Variants in KHDRBS2 observed in about 807,000 individuals in gnomAD.
KHDRBS2 encodes KH RNA binding domain containing, signal transduction associated 2, also known as KH domain-containing, RNA-binding, signal transduction-associated protein 2.
In KHDRBS2, 26 loss-of-function variants were observed where a neutral mutation model predicts 44.3. That is an observed-to-expected ratio of 0.59 (90% CI 0.43 to 0.81). KHDRBS2 has a LOEUF of 0.81. KHDRBS2 is among the 40% of genes least tolerant of loss of function. The probability of loss-of-function intolerance (pLI) is 0.00; values close to 1 mark genes in which losing one functional copy is unlikely to be tolerated. For missense variants in KHDRBS2, 476 were observed against 433.1 expected (o/e 1.10, Z -0.88); for synonymous variants, 194 against 151.1 (o/e 1.28, Z -2.08).
At chr6:62,008,811 G>A (rs1254354721) in intron 3 of KHDRBS2, among the ~76,000 whole-genome samples, 1 of 152,154 alleles carries the variant, frequency 6.6e-6, no homozygotes, top group African/African-American at 2.4e-5. Context: ...TGTGTAAGAT[G>A]TGACTTGCTC....
chr6:62,249,772 A>G (rs1165501084), intron 1 of KHDRBS2, among the ~76,000 whole-genome samples: 1 of 152,062 alleles, frequency 6.6e-6, no homozygotes, highest in Non-Finnish European at 1.5e-5. Context: ...TATTCAGAAA[A>G]GTAGCTTTCA....
At chr6:61,662,582 G>A in the KHDRBS2 span, among the ~76,000 whole-genome samples, 2 of 152,080 alleles carry the variant, frequency 1.3e-5, no homozygotes, top group East Asian at 3.9e-4. Flanking sequence ...ATCAACAAGT[G>A]GGTGAAGGAT....
intron 3 of KHDRBS2, among the ~76,000 whole-genome samples, chr6:62,009,532 G>A (rs986462203): frequency 6.6e-6 from 1 of 152,198 alleles, no homozygotes; most frequent in Non-Finnish European, 1.5e-5. Context: ...AAGACAATGA[G>A]GAAAATGTCT....
At chr6:61,558,420 T>C in the KHDRBS2 span, among the ~76,000 whole-genome samples, 3,719 of 152,040 alleles carry the variant, frequency 0.024, 71 homozygotes, top group Middle Eastern at 0.085. Context: ...AATTTAGCTG[T>C]ACATGGTGGT....
chr6:61,939,312 C>T (rs1811670676), intron 4 of KHDRBS2, among the ~76,000 whole-genome samples: 1 of 152,170 alleles, frequency 6.6e-6, no homozygotes, highest in South Asian at 2.1e-4. Flanking sequence ...CTGTAACCTG[C>T]TCTATTTTTA....
intron 6 of KHDRBS2, among the ~76,000 whole-genome samples, chr6:61,848,040 T>G (rs1373600832): frequency 6.6e-6 from 1 of 152,036 alleles, no homozygotes; most frequent in Non-Finnish European, 1.5e-5. Flanking sequence ...CAGCACACTC[T>G]TAATAATCAC....
intron 2 of KHDRBS2, among the ~76,000 whole-genome samples, chr6:62,085,695 G>A (rs1465383525): frequency 6.6e-6 from 1 of 152,056 alleles, no homozygotes; most frequent in Non-Finnish European, 1.5e-5. Flanking sequence ...ATAATGAAAG[G>A]CAAAGGTCTT....
chr6:62,246,135 T>TATATATATATATAA (rs1491165306), intron 1 of KHDRBS2, among the ~76,000 whole-genome samples: 1 of 136,706 alleles, frequency 7.3e-6, no homozygotes, highest in African/African-American at 2.7e-5. Flanking sequence ...TATATATATA[T>TATATATATATATAA]AATCAATGTT....
chr6:61,607,624 AAC>A, the KHDRBS2 span, among the ~76,000 whole-genome samples: 2 of 151,686 alleles, frequency 1.3e-5, no homozygotes, highest in African/African-American at 4.8e-5. Context: ...TAAAAAAATT[AAC>A]ACTTACTGAA....
the KHDRBS2 span, among the ~76,000 whole-genome samples, chr6:61,598,624 C>T: frequency 4.1e-4 from 62 of 152,274 alleles, 1 homozygote; most frequent in African/African-American, 1.4e-3. Flanking sequence ...TACAAATATA[C>T]ATCCAAAGCA....
chr6:62,150,032 C>T (rs1814785811), intron 2 of KHDRBS2, among the ~76,000 whole-genome samples: 1 of 152,078 alleles, frequency 6.6e-6, no homozygotes, highest in Admixed American at 6.6e-5. Flanking sequence ...GTGGCTGGTA[C>T]AGAGTACATC....
At chr6:62,051,152 G>A (rs185642429) in intron 2 of KHDRBS2, among the ~76,000 whole-genome samples, 1 of 151,990 alleles carries the variant, frequency 6.6e-6, no homozygotes, top group South Asian at 2.1e-4. Context: ...GAAATATCTG[G>A]GGTGACAGAA....
chr6:61,608,693 G>C, the KHDRBS2 span, among the ~76,000 whole-genome samples: 1 of 151,854 alleles, frequency 6.6e-6, no homozygotes, highest in African/African-American at 2.4e-5. Flanking sequence ...GCAGTGTTTG[G>C]TTTTTTGTTC....
chr6:61,866,594 T>C (rs1471707948), intron 6 of KHDRBS2, among the ~76,000 whole-genome samples: 1 of 152,216 alleles, frequency 6.6e-6, no homozygotes, highest in Non-Finnish European at 1.5e-5. Flanking sequence ...CCAGCTTAAA[T>C]TTCTCTTCAG....
intron 6 of KHDRBS2, among the ~76,000 whole-genome samples, chr6:61,871,401 T>C (rs1020338442): frequency 3.3e-5 from 5 of 151,922 alleles, no homozygotes; most frequent in Non-Finnish European, 7.4e-5. Context: ...CTGAAAGTGA[T>C]GGGGAGAATG....
At chr6:61,741,937 T>C (rs1728609601) in intron 6 of KHDRBS2, among the ~76,000 whole-genome samples, 1 of 152,010 alleles carries the variant, frequency 6.6e-6, no homozygotes, top group Non-Finnish European at 1.5e-5. Context: ...ATTTGGATTT[T>C]ATTTTCTATA....
At chr6:62,004,628 G>C (rs1778888545) in intron 3 of KHDRBS2, among the ~76,000 whole-genome samples, 1 of 152,056 alleles carries the variant, frequency 6.6e-6, no homozygotes, top group Admixed American at 6.6e-5. Flanking sequence ...CCAATCAATA[G>C]AAAAAGAGGG....
intron 2 of KHDRBS2, among the ~76,000 whole-genome samples, chr6:62,093,302 T>C (rs1799830648): frequency 6.6e-6 from 1 of 151,844 alleles, no homozygotes; most frequent in Non-Finnish European, 1.5e-5. Flanking sequence ...GAATAAAATT[T>C]ATAGTTTCAA....
rs1818883767 is a variant in KHDRBS2 at position 62,167,218 on chromosome 6, T to C, written c.219+9967A>G. ...TAGTTAAAACAGGCTGAATATTCACTAGATGTAGAAAAGAAGGAGAGACTG... is the reference window on the plus strand; with the variant it reads ...TAGTTAAAACAGGCTGAATATTCACCAGATGTAGAAAAGAAGGAGAGACTG... On this transcript the variant is annotated intron_variant, in intron 2 of 8. Coordinates refer to ENST00000281156, the MANE Select transcript of KHDRBS2 (RefSeq NM_152688.4). Among the ~76,000 whole-genome samples, 2 of 151,950 alleles carry C rather than the reference T, an allele frequency of 1.3e-5. 1 individual carries two copies. The highest frequency in any genetic ancestry group is 4.1e-4 in the South Asian group (2 of 4,830).
Sources: allele counts gnomAD v4.1 joint callset (sites outside exome capture counted in the v4.1 genomes callset), GRCh38; gene constraint gnomAD v4.1.1; transcripts MANE v1.5; gene names NCBI Gene and HGNC (gene_info 2026-07-23, HGNC 2026-07-21).